Variants in SLC38A12 observed in about 807,000 individuals in gnomAD.
SLC38A12 encodes the protein solute carrier family 38 member 12, also known as putative sodium-coupled neutral amino acid transporter 12.
At chr17:74,782,657 A>G in the SLC38A12 span, among the ~76,000 whole-genome samples, 1 of 152,220 alleles carries the variant, frequency 6.6e-6, no homozygotes, top group Non-Finnish European at 1.5e-5. Flanking sequence ...GAAGACCAGC[A>G]ATGGGCTGTG....
the SLC38A12 span, among the ~76,000 whole-genome samples, chr17:74,814,637 C>T: frequency 6.6e-6 from 1 of 152,200 alleles, no homozygotes; most frequent in Non-Finnish European, 1.5e-5. Context: ...TTTGCCAAGT[C>T]AGGCACTGCC....
the SLC38A12 span, chr17:74,837,821 G>A: frequency 2.0e-6 from 2 of 986,002 alleles, no homozygotes; most frequent in East Asian, 1.1e-4. Context: ...CATTTTCAAC[G>A]TGCCTTCTAC....
chr17:74,778,848 A>G, the SLC38A12 span, among the ~76,000 whole-genome samples: 3 of 151,798 alleles, frequency 2.0e-5, no homozygotes, highest in Non-Finnish European at 4.4e-5. Context: ...TTTTGTATTT[A>G]GTAGAGACAG....
chr17:74,824,152 G>C, the SLC38A12 span, among the ~76,000 whole-genome samples: 2 of 152,202 alleles, frequency 1.3e-5, no homozygotes, highest in Non-Finnish European at 2.9e-5. Flanking sequence ...GGAGCACCCA[G>C]GTTTGCTCTG....
At chr17:74,817,068 G>A in the SLC38A12 span, among the ~76,000 whole-genome samples, 2 of 143,804 alleles carry the variant, frequency 1.4e-5, no homozygotes, top group Admixed American at 7.4e-5. Context: ...GGCAGCGCAT[G>A]CCATTGCCTC....
the SLC38A12 span, among the ~76,000 whole-genome samples, chr17:74,819,074 A>G: frequency 6.6e-6 from 1 of 152,212 alleles, no homozygotes; most frequent in East Asian, 1.9e-4. Flanking sequence ...CCTGGGTCCC[A>G]TCCTCAGCCC....
chr17:74,783,299 G>A, the SLC38A12 span, among the ~76,000 whole-genome samples: 3 of 152,166 alleles, frequency 2.0e-5, no homozygotes, highest in East Asian at 1.9e-4. Context: ...CGCAGCCCAC[G>A]GCCACAGTGA....
the SLC38A12 span, among the ~76,000 whole-genome samples, chr17:74,835,334 C>G: frequency 6.6e-6 from 1 of 152,192 alleles, no homozygotes; most frequent in African/African-American, 2.4e-5. Context: ...CCCTTGGCCC[C>G]TAGGCACTCA....
chr17:74,785,288 G>A, the SLC38A12 span, among the ~76,000 whole-genome samples: 450 of 152,318 alleles, frequency 3.0e-3, 1 homozygote, highest in Admixed American at 6.3e-3. Context: ...TTCATGTTTG[G>A]TTAACAGGCT....
chr17:74,797,402 A>T, the SLC38A12 span, among the ~76,000 whole-genome samples: 2 of 152,152 alleles, frequency 1.3e-5, no homozygotes, highest in Non-Finnish European at 2.9e-5. Flanking sequence ...AGCCACGAAA[A>T]CAGGAAGCAG....
chr17:74,816,837 T>G, the SLC38A12 span, among the ~76,000 whole-genome samples: 1 of 152,298 alleles, frequency 6.6e-6, no homozygotes, highest in Non-Finnish European at 1.5e-5. Flanking sequence ...AGCTAATTTA[T>G]AATGTCATAT....
chr17:74,788,099 T>G, the SLC38A12 span, among the ~76,000 whole-genome samples: 1 of 152,132 alleles, frequency 6.6e-6, no homozygotes, highest in East Asian at 1.9e-4. Flanking sequence ...TGGCCTCAAG[T>G]TTCTTTAAGA....
the SLC38A12 span, among the ~76,000 whole-genome samples, chr17:74,829,100 C>T: frequency 1.3e-5 from 2 of 152,128 alleles, no homozygotes; most frequent in Non-Finnish European, 2.9e-5. This position sits in a 1 kb window ranked among gnomAD's most constrained non-coding sequence, Gnocchi z 4.1. Context: ...AAGTGGGATA[C>T]TTTACGTTCC....
the SLC38A12 span, chr17:74,785,701 G>A: frequency 2.0e-6 from 3 of 1,485,278 alleles, no homozygotes; most frequent in Non-Finnish European, 2.7e-6. Flanking sequence ...GGGGTGGGAA[G>A]ACACCTGTCT....
chr17:74,813,840 C>G, the SLC38A12 span, among the ~76,000 whole-genome samples: 2 of 152,166 alleles, frequency 1.3e-5, no homozygotes, highest in African/African-American at 4.8e-5. Flanking sequence ...GCCCCTCTGT[C>G]TTCCTTCCCC....
the SLC38A12 span, chr17:74,836,644 T>C: frequency 6.2e-7 from 1 of 1,611,864 alleles, no homozygotes; most frequent in Non-Finnish European, 8.5e-7. This position sits in a 1 kb window ranked among gnomAD's most constrained non-coding sequence, Gnocchi z 4.2. Context: ...TCCTGCTTCA[T>C]TTTCGTCACG....
At chr17:74,778,272 C>T in the SLC38A12 span, among the ~76,000 whole-genome samples, 4 of 152,282 alleles carry the variant, frequency 2.6e-5, no homozygotes, top group South Asian at 4.1e-4. Flanking sequence ...CATCACAGGG[C>T]CCTCTTGCCT....
At chr17:74,836,930 T>G in the SLC38A12 span, 1 of 1,341,312 alleles carries the variant, frequency 7.5e-7, no homozygotes, top group South Asian at 2.0e-5. This position sits in a 1 kb window ranked among gnomAD's most constrained non-coding sequence, Gnocchi z 4.2. Context: ...GCGTGGCTGC[T>G]CCCAAGTTCT....
the SLC38A12 span, among the ~76,000 whole-genome samples, chr17:74,815,665 G>A: frequency 6.6e-6 from 1 of 152,188 alleles, no homozygotes; most frequent in Admixed American, 6.5e-5. Context: ...ATGTGCTGTA[G>A]GGTTAGAACT....
Sources: allele counts gnomAD v4.1 joint callset (sites outside exome capture counted in the v4.1 genomes callset), GRCh38; gene constraint gnomAD v4.1.1; non-coding constraint Gnocchi (gnomAD v3.1); transcripts MANE v1.5; gene names NCBI Gene and HGNC (gene_info 2026-07-23, HGNC 2026-07-21).